The following SLC10A7 variants were observed in gnomAD, a reference collection of about 807,000 sequenced individuals.
SLC10A7 encodes sodium/bile acid cotransporter 7.
In SLC10A7, 29 loss-of-function variants were observed where a neutral mutation model predicts 43.2. The ratio of observed to expected loss-of-function variants is 0.67; its 90% confidence interval spans 0.50 to 0.92. The LOEUF (loss-of-function observed/expected upper bound fraction) is 0.92, where lower values mean the gene tolerates loss of function less well. Among genes scored for constraint, SLC10A7 ranks in the 40% least tolerant of loss-of-function variants. The probability of loss-of-function intolerance (pLI) is 0.00; values close to 1 mark genes in which losing one functional copy is unlikely to be tolerated. For synonymous variants in SLC10A7, 152 were observed against 144.8 expected (o/e 1.05, Z -0.35); for missense variants, 295 against 403.2 (o/e 0.73, Z 2.30).
Position 146,521,908 on chromosome 4 carries a change from G to T in SLC10A7, c.-191C>A. The T allele has an allele frequency of 1.9e-6, 1 of 536,070 alleles. No homozygotes were observed. The highest frequency in any genetic ancestry group is 3.3e-6 in the Non-Finnish European group (1 of 301,338). The allele number at this position is 536,070 out of a possible 1,614,324, so 33.2% of individuals were successfully genotyped here. A position where few individuals can be genotyped will look rare whatever the true frequency, so the allele number is the denominator to read the frequency against. Reference sequence around the variant, plus strand: ...GCGGCTTTGAGGAGGGTTGGGAGTAGTAGTAGCCAGTGACAGGAAAGTCTC... The same window carrying T: ...GCGGCTTTGAGGAGGGTTGGGAGTATTAGTAGCCAGTGACAGGAAAGTCTC... On this transcript the variant is annotated 5_prime_UTR_variant, in exon 1 of 12. Transcript: ENST00000335472.
intron 9 of SLC10A7, among the ~76,000 whole-genome samples, chr4:146,287,903 A>G (rs2111155969): frequency 6.6e-6 from 1 of 152,290 alleles, no homozygotes; most frequent in Non-Finnish European, 1.5e-5. Context: ...GTTACAGCAC[A>G]TTTCCAGTGT....
At chr4:146,352,857 T>G (rs1360389121) in intron 5 of SLC10A7, among the ~76,000 whole-genome samples, 1 of 144,098 alleles carries the variant, frequency 6.9e-6, no homozygotes, top group Non-Finnish European at 1.5e-5. Context: ...AGACACCACA[T>G]ACCAGAATCT....
intron 6 of SLC10A7, among the ~76,000 whole-genome samples, chr4:146,315,573 CA>C (rs1732271104): frequency 6.6e-6 from 1 of 152,036 alleles, no homozygotes; most frequent in African/African-American, 2.4e-5. Context: ...AAATTTATTG[CA>C]AAAAATCTAC....
At chr4:146,418,002 AGATGATGAT>A (rs140809624) in intron 5 of SLC10A7, among the ~76,000 whole-genome samples, 21 of 147,344 alleles carry the variant, frequency 1.4e-4, no homozygotes, top group African/African-American at 3.0e-4. Context: ...ATATCTGAAC[AGATGATGAT>A]GATGATGATG....
At chr4:146,370,188 G>C (rs965178580) in intron 5 of SLC10A7, among the ~76,000 whole-genome samples, 1 of 152,138 alleles carries the variant, frequency 6.6e-6, no homozygotes, top group Non-Finnish European at 1.5e-5. Context: ...GTCACAAAAT[G>C]CATGCTCCCA....
chr4:146,280,327 C>A (rs559708103), intron 10 of SLC10A7, among the ~76,000 whole-genome samples: 1 of 152,230 alleles, frequency 6.6e-6, no homozygotes, highest in African/African-American at 2.4e-5. Flanking sequence ...ATAACTCTAA[C>A]TGATATTACC....
At chr4:146,440,011 T>C (rs1730476291) in intron 5 of SLC10A7, among the ~76,000 whole-genome samples, 1 of 152,234 alleles carries the variant, frequency 6.6e-6, no homozygotes, top group Non-Finnish European at 1.5e-5. Context: ...GTCATTTAAC[T>C]GAGATGAATC....
chr4:146,320,420 A>G (rs1225970126), intron 6 of SLC10A7, among the ~76,000 whole-genome samples: 1 of 152,066 alleles, frequency 6.6e-6, no homozygotes, highest in African/African-American at 2.4e-5. Context: ...GGGTATAGTT[A>G]GATGGATCGT....
chr4:146,418,002 AGATGATGATGATGAT>A (rs140809624), intron 5 of SLC10A7, among the ~76,000 whole-genome samples: 13 of 147,228 alleles, frequency 8.8e-5, no homozygotes, highest in Non-Finnish European at 1.5e-4. Flanking sequence ...ATATCTGAAC[AGATGATGATGATGAT>A]GATGATGATG....
intron 4 of SLC10A7, among the ~76,000 whole-genome samples, chr4:146,484,438 C>G (rs1398342647): frequency 1.3e-5 from 2 of 152,078 alleles, no homozygotes; most frequent in African/African-American, 4.8e-5. Flanking sequence ...GACTATATGT[C>G]TATCAAACAT....
chr4:146,303,375 CTTTT>C (rs111238580), intron 7 of SLC10A7, among the ~76,000 whole-genome samples: 2 of 137,590 alleles, frequency 1.5e-5, no homozygotes, highest in Non-Finnish European at 1.6e-5. Flanking sequence ...CTTTTTCTTT[CTTTT>C]TTTTTTTTTT....
intron 5 of SLC10A7, among the ~76,000 whole-genome samples, chr4:146,383,078 C>A (rs1579047422): frequency 6.6e-6 from 1 of 152,040 alleles, no homozygotes; most frequent in Admixed American, 6.6e-5. Flanking sequence ...TCTATTGTGA[C>A]CTGCAGCCTC....
intron 4 of SLC10A7, among the ~76,000 whole-genome samples, chr4:146,465,306 G>A (rs2149948005): frequency 6.6e-6 from 1 of 152,188 alleles, no homozygotes; most frequent in South Asian, 2.1e-4. Context: ...TTTTAAAACT[G>A]TTTAGACCAT....
At chr4:146,357,901 G>A (rs1431413388) in intron 5 of SLC10A7, among the ~76,000 whole-genome samples, 1 of 151,986 alleles carries the variant, frequency 6.6e-6, no homozygotes, top group African/African-American at 2.4e-5. Flanking sequence ...CAAGTAACCC[G>A]AAAAAGAGAA....
At chr4:146,306,456 A>G (rs1250466197) in intron 6 of SLC10A7, among the ~76,000 whole-genome samples, 1 of 152,172 alleles carries the variant, frequency 6.6e-6, no homozygotes, top group Non-Finnish European at 1.5e-5. Flanking sequence ...CTTCAAAACA[A>G]ATATAATGAA....
chr4:146,472,822 T>C (rs977313768), intron 4 of SLC10A7, among the ~76,000 whole-genome samples: 5 of 152,238 alleles, frequency 3.3e-5, no homozygotes, highest in Non-Finnish European at 5.9e-5. Context: ...GATTTGAATC[T>C]ACATTTCTGC....
At chr4:146,372,800 A>T (rs78229659) in intron 5 of SLC10A7, among the ~76,000 whole-genome samples, 1,562 of 152,324 alleles carry the variant, frequency 0.01, 25 homozygotes, top group African/African-American at 0.035. Flanking sequence ...ATCAAATATT[A>T]AAAAAGTAAC....
chr4:146,326,231 C>T (rs1430524521), intron 5 of SLC10A7, among the ~76,000 whole-genome samples: 2 of 152,222 alleles, frequency 1.3e-5, no homozygotes, highest in Non-Finnish European at 2.9e-5. Flanking sequence ...GCCTTAGGTT[C>T]ATCTTTCCTT....
intron 7 of SLC10A7, among the ~76,000 whole-genome samples, chr4:146,296,854 T>C (rs1042137683): frequency 2.6e-5 from 4 of 152,132 alleles, no homozygotes; most frequent in African/African-American, 9.7e-5. Context: ...GGATATAAAC[T>C]CCAGGAAACT....
Sources: allele counts gnomAD v4.1 joint callset (sites outside exome capture counted in the v4.1 genomes callset), GRCh38; gene constraint gnomAD v4.1.1; transcripts MANE v1.5; gene names NCBI Gene and HGNC (gene_info 2026-07-23, HGNC 2026-07-21).